The following MEIOB variants were observed in gnomAD, a reference collection of about 807,000 sequenced individuals.
The protein encoded by MEIOB is meiosis specific with OB-fold.
MEIOB carries 50 observed loss-of-function variants against 53.1 expected under a neutral mutation model. The observed-to-expected ratio is 0.94, with a 90% confidence interval of 0.75 to 1.19. MEIOB has a LOEUF of 1.19. Ranked by LOEUF, MEIOB falls within the 50% of genes most tolerant of loss-of-function variation. The probability of loss-of-function intolerance (pLI) is 0.00; values close to 1 mark genes in which losing one functional copy is unlikely to be tolerated. For missense variants in MEIOB, 551 were observed against 550.8 expected (o/e 1.00, Z 0.00); for synonymous variants, 192 against 182.5 (o/e 1.05, Z -0.42).
At chr16:1,871,421 G>C (rs12924741) in intron 1 of MEIOB, among the ~76,000 whole-genome samples, 2 of 101,036 alleles carry the variant, frequency 2.0e-5, no homozygotes. Context: ...GGGTTTCACC[G>C]TGTTAGCCAG....
rs184562600 is a variant in MEIOB, at chr16:1,842,148, G to C, written c.881-175C>G. Reference sequence around the variant, plus strand: ...AAATGGACATAAAAGCAAAACATAAGGAAAAAAAGGAAATGAAATTAGTCT... The same window carrying C: ...AAATGGACATAAAAGCAAAACATAACGAAAAAAAGGAAATGAAATTAGTCT... On this transcript the variant is annotated intron_variant, in intron 10 of 13. Coordinates refer to ENST00000325962, the MANE Select transcript of MEIOB (RefSeq NM_001163560.3). 4.0e-5 allele frequency among the ~76,000 whole-genome samples: 6 copies of C among 151,756 alleles called. No individual in the cohort carries two copies. The East Asian group carries it at 1.2e-3, about 29-fold the overall frequency.
intron 11 of MEIOB, 175 bp from the exon 12 acceptor site, chr16:1,839,613 C>T (rs942201742): frequency 3.7e-5 from 21 of 569,472 alleles, no homozygotes; most frequent in Admixed American, 7.2e-5. Context: ...ACACTTTCTA[C>T]GCAGCCATTC....
intron 13 of MEIOB, among the ~76,000 whole-genome samples, chr16:1,836,240 C>T (rs1898743757): frequency 6.6e-6 from 1 of 152,074 alleles, no homozygotes. Flanking sequence ...TACTGTGTTA[C>T]CTAATGCACG....
At chr16:1,840,165 A>T (rs964005308) in intron 11 of MEIOB, 1 of 152,216 alleles carries the variant, frequency 6.6e-6, no homozygotes, top group Non-Finnish European at 1.5e-5. Context: ...CAAATTTTAG[A>T]TGCTTTTCCT....
intron 6 of MEIOB, among the ~76,000 whole-genome samples, chr16:1,854,866 C>A (rs976645360): frequency 6.6e-6 from 1 of 152,018 alleles, no homozygotes; most frequent in African/African-American, 2.4e-5. Flanking sequence ...GAAACTAGGA[C>A]CCTTCTCTCC....
chr16:1,868,294 T>A, intron 1 of MEIOB, 110 bp from the exon 2 acceptor site: 2 of 563,428 alleles, frequency 3.5e-6, no homozygotes, highest in Non-Finnish European at 6.4e-6. Context: ...TGGTGGCTCA[T>A]ACCTGTAATC....
chr16:1,834,203 T>C lies in MEIOB; in HGVS notation c.*53A>G. Reference sequence around the variant, plus strand: ...TAATTTTCAAATTAATATTCCATTTTAAAGGGAGTTAAAACTCTTATACTT... The same window carrying C: ...TAATTTTCAAATTAATATTCCATTTCAAAGGGAGTTAAAACTCTTATACTT... On this transcript the variant is annotated 3_prime_UTR_variant, in exon 14 of 14. Transcript: ENST00000325962. 1 of 909,886 alleles carries C rather than the reference T, an allele frequency of 1.1e-6. No individual in the cohort carries two copies. Among genetic ancestry groups the C allele is most frequent in the East Asian group, 2.5e-5 (1 of 40,714 alleles). The allele number at this position is 909,886 out of a possible 1,614,324, so 56.4% of individuals were successfully genotyped here.
chr16:1,846,866 T>A (rs950787718), intron 9 of MEIOB, among the ~76,000 whole-genome samples: 9 of 152,128 alleles, frequency 5.9e-5, no homozygotes, highest in African/African-American at 2.2e-4. Flanking sequence ...GCTTAAAACC[T>A]AGATGATGGG....
At chr16:1,853,715 C>T (rs548317066) in intron 7 of MEIOB, among the ~76,000 whole-genome samples, 27 of 152,318 alleles carry the variant, frequency 1.8e-4, no homozygotes, top group African/African-American at 6.3e-4. Context: ...TTGTACCTGG[C>T]AGTGCTTCAG....
intron 12 of MEIOB, 53 bp downstream of exon 12, chr16:1,839,202 A>C: frequency 6.8e-7 from 1 of 1,480,850 alleles, no homozygotes; most frequent in African/African-American, 1.4e-5. Context: ...TTTTTTGGGA[A>C]AAAGCATTCA....
chr16:1,867,224 T>A (rs993122900), intron 2 of MEIOB, among the ~76,000 whole-genome samples: 2 of 152,144 alleles, frequency 1.3e-5, no homozygotes, highest in African/African-American at 4.8e-5. Flanking sequence ...TTACAATAAG[T>A]TCTTTAACTT....
intron 6 of MEIOB, 120 bp downstream of exon 6, chr16:1,857,615 T>C (rs1899338654): frequency 2.9e-6 from 2 of 681,888 alleles, no homozygotes; most frequent in South Asian, 1.9e-5. Context: ...TTCAGCATAC[T>C]ACCAAGATAG....
chr16:1,834,648 C>T (rs193273806), intron 13 of MEIOB, among the ~76,000 whole-genome samples: 11 of 152,138 alleles, frequency 7.2e-5, no homozygotes, highest in African/African-American at 2.4e-4. Flanking sequence ...CTAATGTGGC[C>T]GGGTGCTGGT....
At chr16:1,836,198 G>C (rs868534698) in intron 13 of MEIOB, among the ~76,000 whole-genome samples, 4 of 151,992 alleles carry the variant, frequency 2.6e-5, no homozygotes, top group African/African-American at 9.7e-5. Flanking sequence ...TTGGATTTTG[G>C]TTTTGGATTT....
chr16:1,848,146 C>T (rs1376800505), intron 9 of MEIOB, among the ~76,000 whole-genome samples: 4 of 151,950 alleles, frequency 2.6e-5, no homozygotes, highest in Non-Finnish European at 4.4e-5. Flanking sequence ...GATGGAGTCT[C>T]ACTTATGGCT....
intron 10 of MEIOB, among the ~76,000 whole-genome samples, chr16:1,842,699 T>A (rs1163461627): frequency 9.8e-6 from 1 of 102,490 alleles, no homozygotes; most frequent in African/African-American, 3.5e-5. Context: ...AGTCTCACTC[T>A]GTCGCCCAGG....
rs548988603 is a variant in MEIOB at position 1,856,343 on chromosome 16, G to A, written c.528+1392C>T. Reference sequence around the variant, plus strand: ...GCTAATTTTTTTTTTTTTTTGAGTCGGAGTCTCGCTCTGTCGCCCAGGCTG... The same window carrying A: ...GCTAATTTTTTTTTTTTTTTGAGTCAGAGTCTCGCTCTGTCGCCCAGGCTG... On this transcript the variant is annotated intron_variant, in intron 6 of 13. Coordinates refer to ENST00000325962, the MANE Select transcript of MEIOB (RefSeq NM_001163560.3). Among the ~76,000 whole-genome samples, 57 of 134,950 alleles carry A rather than the reference G, an allele frequency of 4.2e-4. No homozygotes were observed. The South Asian group carries it at 0.011, about 25-fold the overall frequency. 88.5% of individuals were successfully genotyped at this position (134,950 alleles called of 152,430 possible). A position where few individuals can be genotyped will look rare whatever the true frequency, so the allele number is the denominator to read the frequency against.
rs116559020 is a variant in MEIOB at position 1,849,113 on chromosome 16, C to T, written c.778+3926G>A. 2.3e-3 allele frequency among the ~76,000 whole-genome samples: 340 copies of T among 150,174 alleles called. 2 individuals are homozygous for T. The highest frequency in any genetic ancestry group is 7.9e-3 in the African/African-American group (325 of 40,972). ...CAGCCTGAGAAACACTGCAAAACCC[C>T]GTCTCTACGAAAAGTACAAAAATTA... On this transcript the variant is annotated intron_variant, in intron 9 of 13. Coordinates refer to ENST00000325962, the MANE Select transcript of MEIOB (RefSeq NM_001163560.3).
At chr16:1,848,894 G>T (rs1899091724) in intron 9 of MEIOB, among the ~76,000 whole-genome samples, 1 of 152,054 alleles carries the variant, frequency 6.6e-6, no homozygotes, top group Non-Finnish European at 1.5e-5. Flanking sequence ...ATGGATTTCG[G>T]GTCCAGGAAT....
Sources: allele counts gnomAD v4.1 joint callset (sites outside exome capture counted in the v4.1 genomes callset), GRCh38; gene constraint gnomAD v4.1.1; transcripts MANE v1.5; gene names NCBI Gene and HGNC (gene_info 2026-07-23, HGNC 2026-07-21).